LIMCH1: variants seen among roughly 807,000 people sequenced by gnomAD.
LIMCH1 encodes LIM and calponin homology domains-containing protein 1.
Under a neutral mutation model 176.5 loss-of-function variants are expected in LIMCH1, and 113 were observed. The ratio of observed to expected loss-of-function variants is 0.64; its 90% CI spans 0.55 to 0.75. The LOEUF (loss-of-function observed/expected upper bound fraction) is 0.75. LIMCH1 is among the 30% of genes least tolerant of loss of function. LIMCH1 has a pLI of 0.00. For missense variants in LIMCH1, 1,674 were observed against 1,814.9 expected (o/e 0.92, Z 1.41); for synonymous variants, 619 against 645.9 (o/e 0.96, Z 0.63).
chr4:41,527,266 G>A (rs1416653057), intron 3 of LIMCH1, among the ~76,000 whole-genome samples: 3 of 152,158 alleles, frequency 2.0e-5, no homozygotes, highest in African/African-American at 7.2e-5. Flanking sequence ...ATATATTTTG[G>A]AAAGTAAGAT....
intron 1 of LIMCH1, among the ~76,000 whole-genome samples, chr4:41,467,992 C>T (rs899346722): frequency 2.0e-5 from 3 of 152,166 alleles, no homozygotes; most frequent in Non-Finnish European, 4.4e-5. Context: ...TTGATAATCT[C>T]CACTTTTTTC....
chr4:41,408,264 G>T (rs140902517), intron 1 of LIMCH1, among the ~76,000 whole-genome samples: 9 of 152,280 alleles, frequency 5.9e-5, no homozygotes, highest in Non-Finnish European at 8.8e-5. Flanking sequence ...AGATGGCTGG[G>T]TTAGAGCAGG....
chr4:41,641,377 C>T (rs1355742140), intron 14 of LIMCH1, among the ~76,000 whole-genome samples: 1 of 151,928 alleles, frequency 6.6e-6, no homozygotes, highest in Non-Finnish European at 1.5e-5. Context: ...CAATTCTCAA[C>T]TTCTTAATTT....
intron 1 of LIMCH1, among the ~76,000 whole-genome samples, chr4:41,417,015 C>CT (rs924749700): frequency 3.3e-5 from 5 of 152,038 alleles, no homozygotes; most frequent in South Asian, 2.1e-4. Flanking sequence ...ATTTCTAAGA[C>CT]TTTTTTGTGA....
chr4:41,369,377 T>A (rs540552832), intron 1 of LIMCH1, among the ~76,000 whole-genome samples: 3 of 152,254 alleles, frequency 2.0e-5, no homozygotes, highest in African/African-American at 7.2e-5. Flanking sequence ...TTTCTGTATA[T>A]AGGAGAGACT....
chr4:41,611,065 A>C (rs1009454895), intron 4 of LIMCH1, among the ~76,000 whole-genome samples: 1 of 152,218 alleles, frequency 6.6e-6, no homozygotes, highest in African/African-American at 2.4e-5. Flanking sequence ...TTCCAAATCC[A>C]AAAAAGTCAA....
intron 1 of LIMCH1, among the ~76,000 whole-genome samples, chr4:41,445,077 C>T (rs899062632): frequency 6.8e-6 from 1 of 146,354 alleles, no homozygotes; most frequent in Non-Finnish European, 1.5e-5. Context: ...GCAATCTTGG[C>T]TCACTGCAAC....
intron 1 of LIMCH1, among the ~76,000 whole-genome samples, chr4:41,439,336 C>T (rs1202327631): frequency 1.3e-5 from 2 of 152,152 alleles, no homozygotes; most frequent in East Asian, 1.9e-4. Flanking sequence ...TGCCTGTAAT[C>T]CCACTTTGGA....
intron 1 of LIMCH1, among the ~76,000 whole-genome samples, chr4:41,364,821 TG>T (rs1251159622): frequency 1.3e-5 from 2 of 151,568 alleles, no homozygotes; most frequent in African/African-American, 4.9e-5. Flanking sequence ...ACTGAGGTTG[TG>T]TCAACTCCTG....
intron 1 of LIMCH1, among the ~76,000 whole-genome samples, chr4:41,578,695 T>A (rs2084901048): frequency 6.6e-6 from 1 of 152,056 alleles, no homozygotes; most frequent in African/African-American, 2.4e-5. Flanking sequence ...CTTCTTTTCT[T>A]TTCTTCTTTT....
chr4:41,610,132 C>A (rs1243072634), intron 4 of LIMCH1, among the ~76,000 whole-genome samples: 1 of 152,216 alleles, frequency 6.6e-6, no homozygotes, highest in Non-Finnish European at 1.5e-5. Context: ...ATAACGGCCT[C>A]TCTGTTTTTC....
intron 1 of LIMCH1, among the ~76,000 whole-genome samples, chr4:41,486,314 C>T (rs955433574): frequency 2.0e-5 from 3 of 152,160 alleles, no homozygotes; most frequent in African/African-American, 7.2e-5. Flanking sequence ...TGCCCAGTGC[C>T]TTGTCTGGAA....
intron 3 of LIMCH1, among the ~76,000 whole-genome samples, chr4:41,525,346 G>A (rs138156080): frequency 1.0e-3 from 158 of 152,322 alleles, no homozygotes; most frequent in African/African-American, 3.5e-3. Flanking sequence ...TTTGCAGAAA[G>A]CAATGAGAAG....
chr4:41,398,917 G>GGAA (rs2058084458), intron 1 of LIMCH1, among the ~76,000 whole-genome samples: 1 of 152,142 alleles, frequency 6.6e-6, no homozygotes, highest in Non-Finnish European at 1.5e-5. Flanking sequence ...ATGCCTAACA[G>GGAA]GAAGACAGTT....
intron 2 of LIMCH1, among the ~76,000 whole-genome samples, chr4:41,499,554 T>C (rs1486679676): frequency 6.6e-6 from 1 of 152,238 alleles, no homozygotes; most frequent in East Asian, 1.9e-4. Flanking sequence ...GAGCGATGGC[T>C]CACGCCTATA....
chr4:41,393,594 C>A (rs2057487921), intron 1 of LIMCH1, among the ~76,000 whole-genome samples: 1 of 152,144 alleles, frequency 6.6e-6, no homozygotes, highest in South Asian at 2.1e-4. Context: ...TGGCTGAAAG[C>A]CTGCTAGGAA....
chr4:41,684,365 CT>C, intron 26 of LIMCH1, 31 bp from the exon 27 acceptor site: 1 of 1,593,110 alleles, frequency 6.3e-7, no homozygotes, highest in Non-Finnish European at 8.5e-7. Context: ...ACTTTTCTCT[CT>C]GCTCTGAAGT....
At chr4:41,585,483 G>A (rs1023085927) in intron 1 of LIMCH1, among the ~76,000 whole-genome samples, 13 of 152,074 alleles carry the variant, frequency 8.5e-5, no homozygotes, top group African/African-American at 2.7e-4. Flanking sequence ...TCCACATTTT[G>A]GCCATTATAA....
intron 1 of LIMCH1, among the ~76,000 whole-genome samples, chr4:41,432,716 A>G (rs1316360944): frequency 6.6e-6 from 1 of 152,216 alleles, no homozygotes; most frequent in Non-Finnish European, 1.5e-5. Flanking sequence ...ACTTTGAATT[A>G]TGAGGCTTAC....
Sources: allele counts gnomAD v4.1 joint callset (sites outside exome capture counted in the v4.1 genomes callset), GRCh38; gene constraint gnomAD v4.1.1; transcripts MANE v1.5; gene names NCBI Gene and HGNC (gene_info 2026-07-23, HGNC 2026-07-21).